TPMT: variants seen among roughly 807,000 people sequenced by gnomAD.
TPMT encodes S-adenosyl-L-methionine:thiopurine S-methyltransferase.
In TPMT, 18 loss-of-function variants were observed where a neutral mutation model predicts 34.2. The observed-to-expected ratio is 0.53, with a 90% CI of 0.36 to 0.78. TPMT has a LOEUF of 0.78. Ranked by LOEUF, TPMT falls within the 30% of genes least tolerant of loss-of-function variation. TPMT has a pLI of 0.00. For synonymous variants in TPMT, 69 were observed against 92.4 expected (o/e 0.75, Z 1.45); for missense variants, 265 against 288.1 (o/e 0.92, Z 0.58).
chr6:18,129,395 AG>A lies in TPMT; in HGVS notation c.*1272del, dbSNP rs1242430526. 1.3e-5 allele frequency: 2 copies of A among 152,214 alleles called. No individual in the cohort carries two copies. The highest frequency in any genetic ancestry group is 2.9e-5 in the Non-Finnish European group (2 of 68,038). The allele number at this position is 152,214 out of a possible 1,614,324, so 9.4% of individuals were successfully genotyped here. ...GTACCGTAGCTTTCACCAGTGTTAAAGGGGACCCCAAACCTTGCATTAACAA... is the reference window on the plus strand; with the variant it reads ...GTACCGTAGCTTTCACCAGTGTTAAAGGGACCCCAAACCTTGCATTAACAA... On this transcript the variant is annotated 3_prime_UTR_variant, in exon 9 of 9. Coordinates refer to ENST00000309983, the MANE Select transcript of TPMT (RefSeq NM_000367.5).
At chr6:18,151,544 G>C (rs1268807251) in intron 1 of TPMT, among the ~76,000 whole-genome samples, 1 of 151,900 alleles carries the variant, frequency 6.6e-6, no homozygotes, top group African/African-American at 2.4e-5. Flanking sequence ...AATGTAGGGT[G>C]ATGTGAGTGG....
chr6:18,154,048 C>T lies in TPMT; in HGVS notation c.-45+985G>A, dbSNP rs1323952524. Among the ~76,000 whole-genome samples, 1 of 152,112 alleles carries T rather than the reference C, an allele frequency of 6.6e-6. No homozygotes were observed. The highest frequency in any genetic ancestry group is 2.1e-4 in the South Asian group (1 of 4,832). ...TCCTCTCACTTCAACCTCCTGAGTA[C>T]CTGGGACTATAAGGGTGCACCACCA... On this transcript the variant is annotated intron_variant, in intron 1 of 8. Transcript: ENST00000309983. This position sits in a 1 kb window ranked among gnomAD's most constrained non-coding sequence, Gnocchi z 4.2.
chr6:18,151,573 G>GATTT (rs70974705), intron 1 of TPMT, among the ~76,000 whole-genome samples: 8,585 of 143,306 alleles, frequency 0.06, 378 homozygotes, highest in East Asian at 0.22. Flanking sequence ...TGGAAACCTA[G>GATTT]ATTTATTTAT....
In TPMT at chr6:18,149,211, T is replaced by C. The variant is rs529253611; in HGVS notation, c.-44-40A>G. The C allele has an allele frequency of 8.4e-6, 13 of 1,541,296 alleles. No individual in the cohort carries two copies. Among genetic ancestry groups the C allele is most frequent in the African/African-American group, 6.8e-5 (5 of 73,614 alleles). ...TTTGCAATGTTGTCATTTAAGGTCA[T>C]TGGAATTCTATTGATGAACTAAATG... On this transcript the variant is annotated intron_variant, in intron 1 of 8. Coordinates refer to ENST00000309983, the MANE Select transcript of TPMT (RefSeq NM_000367.5). The surrounding 1 kb of genome is among the most constrained non-coding windows in gnomAD (Gnocchi z 5.0).
At chr6:18,147,785 A>C in intron 3 of TPMT, 38 bp downstream of exon 3, 4 of 1,563,134 alleles carry the variant, frequency 2.6e-6, no homozygotes, top group Non-Finnish European at 2.6e-6. Context: ...ATTCATCATT[A>C]AGGCAAGATA....
chr6:18,130,741 G>C lies in TPMT; in HGVS notation c.665C>G (p.Ala222Gly), dbSNP rs772472108. ...CNIRCLEKVD[A>G]FEERHKSWGI... Reference sequence around the variant, plus strand: ...CCAACTTTTATGTCGTTCTTCAAAAGCATCAACCTTCTCAAGACAACGTAT... The same window carrying C: ...CCAACTTTTATGTCGTTCTTCAAAACCATCAACCTTCTCAAGACAACGTAT... Residue 222 changes from alanine (A) to glycine (G), a missense_variant, in exon 9 of 9, where the codon GCT (alanine) becomes GGT (glycine). Physicochemically the swap from Ala to Gly is moderately conservative, Grantham distance 60. Transcript: ENST00000309983. The surrounding 1 kb of genome is among the most constrained non-coding windows in gnomAD (Gnocchi z 4.2). 6.2e-7 allele frequency: 1 copy of C among 1,613,622 alleles called. No individual in the cohort carries two copies. The highest frequency in any genetic ancestry group is 8.5e-7 in the Non-Finnish European group (1 of 1,179,914).
Position 18,147,884 on chromosome 6 carries a change from T to C in TPMT, c.172A>G (p.Lys58Glu). 1 of 1,613,850 alleles carries C rather than the reference T, an allele frequency of 6.2e-7. No individual in the cohort carries two copies. The highest frequency in any genetic ancestry group is 8.5e-7 in the Non-Finnish European group (1 of 1,179,886). The change falls in exon 3 of 9, where the codon AAA (lysine) becomes GAA (glutamate). Residue 58 changes from lysine (K) to glutamate (E), a missense_variant. By Grantham distance (56) the Lys-to-Glu change is moderately conservative (BLOSUM62 1). Transcript: ENST00000309983. ...LLKKHLDTFL[K>E]GKSGLRVFFP... Reference sequence around the variant, plus strand: ...AATACCCTCAGTCCACTCTTGCCTTTAAGGAAAGTATCTAAATGCTTCTTT... The same window carrying C: ...AATACCCTCAGTCCACTCTTGCCTTCAAGGAAAGTATCTAAATGCTTCTTT...
rs939711984 is a variant in TPMT, at chr6:18,135,739, C to G, written c.495-1850G>C. On this transcript the variant is annotated intron_variant, in intron 6 of 8. Coordinates refer to ENST00000309983, the MANE Select transcript of TPMT (RefSeq NM_000367.5). The surrounding 1 kb of genome is among the most constrained non-coding windows in gnomAD (Gnocchi z 5.0). ...ATACAAAATTAGCTGGGTGTGGTGG[C>G]GCTACTGTAATCCCAGCTACTCTGG... is the stretch of plus-strand genomic sequence containing the variant. 6.6e-6 allele frequency among the ~76,000 whole-genome samples: 1 copy of G among 151,792 alleles called. No homozygotes were observed. The highest frequency in any genetic ancestry group is 2.4e-5 in the African/African-American group (1 of 41,302).
intron 6 of TPMT, among the ~76,000 whole-genome samples, chr6:18,137,828 C>T (rs1362376782): frequency 6.6e-6 from 1 of 152,192 alleles, no homozygotes; most frequent in Non-Finnish European, 1.5e-5. Context: ...TCTTGTCGTC[C>T]AGGCTGGAGT....
chr6:18,148,145 T>G lies in TPMT; in HGVS notation c.141-230A>C, dbSNP rs1784282778. Among the ~76,000 whole-genome samples the G allele has an allele frequency of 6.6e-6, 1 of 152,188 alleles. No homozygotes were observed. The highest frequency in any genetic ancestry group is 2.1e-4 in the South Asian group (1 of 4,832). On this transcript the variant is annotated intron_variant, in intron 2 of 8. Coordinates refer to ENST00000309983, the MANE Select transcript of TPMT (RefSeq NM_000367.5). The surrounding 1 kb of genome is among the most constrained non-coding windows in gnomAD (Gnocchi z 4.1). ...CTGATTAGTAATTAAAAATAATTTTTTTTTCTTGGGGATGTTTTGAAAATT... is the reference window on the plus strand; with the variant it reads ...CTGATTAGTAATTAAAAATAATTTTGTTTTCTTGGGGATGTTTTGAAAATT...
At chr6:18,137,793 T>C (rs2150711650) in intron 6 of TPMT, among the ~76,000 whole-genome samples, 1 of 152,288 alleles carries the variant, frequency 6.6e-6, no homozygotes, top group South Asian at 2.1e-4. Context: ...TTATTTTATT[T>C]CATTTTTTTG....
At chr6:18,133,282 T>C (rs1015458127) in intron 7 of TPMT, among the ~76,000 whole-genome samples, 3 of 152,200 alleles carry the variant, frequency 2.0e-5, no homozygotes, top group African/African-American at 7.2e-5. Context: ...GGAGAAAACA[T>C]ACCCCCAACA....
At position 18,154,384 on chromosome 6, in the gene TPMT, G is replaced by A. The variant is rs1206486042; in HGVS notation, c.-45+649C>T. On this transcript the variant is annotated intron_variant, in intron 1 of 8. Transcript: ENST00000309983. This position sits in a 1 kb window ranked among gnomAD's most constrained non-coding sequence, Gnocchi z 4.2. ...TTTTGTTTTTAAATTTCATAAAATTGAGAAGAAACTTTCCTAAGGTGCACA... is the reference window on the plus strand; with the variant it reads ...TTTTGTTTTTAAATTTCATAAAATTAAGAAGAAACTTTCCTAAGGTGCACA... Among the ~76,000 whole-genome samples, 1 of 152,040 alleles carries A rather than the reference G, an allele frequency of 6.6e-6. No homozygotes were observed. The highest frequency in any genetic ancestry group is 1.5e-5 in the Non-Finnish European group (1 of 68,014).
rs1224311866 is a variant in TPMT at position 18,132,059 on chromosome 6, G to A, written c.625+74C>T. On this transcript the variant is annotated intron_variant, in intron 8 of 8. Coordinates refer to ENST00000309983, the MANE Select transcript of TPMT (RefSeq NM_000367.5). The surrounding 1 kb of genome is among the most constrained non-coding windows in gnomAD (Gnocchi z 4.8). ...CCCAAAGTGCTGGAAATACAGGCATGAGCCAGCACGCCAGGCCCAAAAGAG... is the reference window on the plus strand; with the variant it reads ...CCCAAAGTGCTGGAAATACAGGCATAAGCCAGCACGCCAGGCCCAAAAGAG... 1.3e-6 allele frequency: 2 copies of A among 1,533,770 alleles called. No individual in the cohort carries two copies. The highest frequency in any genetic ancestry group is 2.7e-5 in the African/African-American group (2 of 73,180).
chr6:18,133,984 G>T, intron 6 of TPMT, 95 bp from the exon 7 acceptor site: 1 of 911,674 alleles, frequency 1.1e-6, no homozygotes, highest in Non-Finnish European at 1.8e-6. Context: ...AGTTACTTTC[G>T]CTGATACTAC....
At chr6:18,147,736 G>T in intron 3 of TPMT, 87 bp downstream of exon 3, 1 of 1,196,992 alleles carries the variant, frequency 8.4e-7, no homozygotes, top group Non-Finnish European at 1.2e-6. Context: ...TCCTGAAAAT[G>T]GAGTTTTAAA....
Position 18,143,754 on chromosome 6 carries a change from T to G in TPMT, c.234-26A>C. The G allele has an allele frequency of 6.2e-7, 1 of 1,613,312 alleles. No homozygotes were observed. The highest frequency in any genetic ancestry group is 8.5e-7 in the Non-Finnish European group (1 of 1,179,598). On this transcript the variant is annotated intron_variant, in intron 3 of 8. Coordinates refer to ENST00000309983, the MANE Select transcript of TPMT (RefSeq NM_000367.5). The surrounding 1 kb of genome is among the most constrained non-coding windows in gnomAD (Gnocchi z 6.1). ...CTGCATAAAATCATACATTTACACT[T>G]AAATTATGTTTTCAAATGACTAAAT...
At position 18,130,454 on chromosome 6, in the gene TPMT, C is replaced by G; in HGVS notation, c.*214G>C. 1 of 505,072 alleles carries G rather than the reference C, an allele frequency of 2.0e-6. No homozygotes were observed. Among genetic ancestry groups the G allele is most frequent in the Admixed American group, 3.3e-5 (1 of 29,946 alleles). The allele number at this position is 505,072 out of a possible 1,614,324, so 31.3% of individuals were successfully genotyped here. ...ATCTTTCACATCATAATCTCCTCTC[C>G]AAAGGAGCTACTTTAAAAGTTTAGT... On this transcript the variant is annotated 3_prime_UTR_variant, in exon 9 of 9. Transcript: ENST00000309983. This position sits in a 1 kb window ranked among gnomAD's most constrained non-coding sequence, Gnocchi z 4.2.
chr6:18,138,423 C>T lies in TPMT; in HGVS notation c.494+540G>A, dbSNP rs535771811. On this transcript the variant is annotated intron_variant, in intron 6 of 8. Coordinates refer to ENST00000309983, the MANE Select transcript of TPMT (RefSeq NM_000367.5). This position sits in a 1 kb window ranked among gnomAD's most constrained non-coding sequence, Gnocchi z 4.1. ...CTGGGACTACAAGCACATACCACCACGGTCGGATAATTTTAAAAATATTTT... is the reference window on the plus strand; with the variant it reads ...CTGGGACTACAAGCACATACCACCATGGTCGGATAATTTTAAAAATATTTT... 1.1e-4 allele frequency among the ~76,000 whole-genome samples: 17 copies of T among 152,110 alleles called. No individual in the cohort carries two copies. The highest frequency in any genetic ancestry group is 2.6e-4 in the African/African-American group (11 of 41,510).
Sources: allele counts gnomAD v4.1 joint callset (sites outside exome capture counted in the v4.1 genomes callset), GRCh38; gene constraint gnomAD v4.1.1; non-coding constraint Gnocchi (gnomAD v3.1); transcripts MANE v1.5; gene names NCBI Gene and HGNC (gene_info 2026-07-23, HGNC 2026-07-21).